Variants in LYRM4 observed in about 807,000 individuals in gnomAD.
The protein encoded by LYRM4 is LYR motif containing 4.
LYRM4 carries 9 observed loss-of-function variants against 11.7 expected under a neutral mutation model. The observed-to-expected ratio is 0.77, with a 90% CI of 0.46 to 1.34. The LOEUF (loss-of-function observed/expected upper bound fraction) is 1.34. LYRM4 is among the 40% of genes most tolerant of loss of function. The pLI, the probability that LYRM4 is intolerant of heterozygous loss-of-function variation, is 0.00. For synonymous variants in LYRM4, 42 were observed against 40.4 expected (o/e 1.04, Z -0.15); for missense variants, 133 against 112.5 (o/e 1.18, Z -0.82).
chr6:5,243,285 G>A (rs1194319675), intron 1 of LYRM4, among the ~76,000 whole-genome samples: 2 of 152,186 alleles, frequency 1.3e-5, no homozygotes, highest in African/African-American at 2.4e-5. Context: ...GGCGCACAGC[G>A]TGCGGGGTTC....
intron 1 of LYRM4, among the ~76,000 whole-genome samples, chr6:5,248,495 A>G (rs1415385378): frequency 6.6e-6 from 1 of 152,226 alleles, no homozygotes. Flanking sequence ...GCTCTCTGTG[A>G]TTAGTAGTCC....
intron 1 of LYRM4, among the ~76,000 whole-genome samples, chr6:5,222,433 G>A (rs1267526560): frequency 1.3e-5 from 2 of 152,182 alleles, no homozygotes; most frequent in Non-Finnish European, 2.9e-5. Context: ...GCCAGGAGCT[G>A]GGAATACAGT....
At chr6:5,259,339 G>C (rs1177380422) in intron 1 of LYRM4, among the ~76,000 whole-genome samples, 1 of 146,818 alleles carries the variant, frequency 6.8e-6, no homozygotes, top group Admixed American at 6.7e-5. Context: ...GTTAATTCTT[G>C]CTAAAATTCC....
chr6:5,129,025 C>T (rs1034581220), intron 2 of LYRM4, among the ~76,000 whole-genome samples: 9 of 152,246 alleles, frequency 5.9e-5, no homozygotes, highest in Admixed American at 5.2e-4. Flanking sequence ...CTTCTCTCCA[C>T]GTGTGCACTG....
intron 2 of LYRM4, among the ~76,000 whole-genome samples, chr6:5,111,415 A>G (rs1344959773): frequency 6.6e-6 from 1 of 152,212 alleles, no homozygotes; most frequent in Non-Finnish European, 1.5e-5. Flanking sequence ...TCATCTTCTC[A>G]AGGCTTTAGT....
In LYRM4 at chr6:5,114,969, A is replaced by T. The variant is rs576121881; in HGVS notation, c.208-5478T>A. On this transcript the variant is annotated intron_variant, in intron 2 of 2. Transcript: ENST00000330636. ...GATTTAAAACGTGGTGTATATATAC[A>T]CAATATTTACATGTGGGATCATAGC... is the stretch of plus-strand genomic sequence containing the variant. Among the ~76,000 whole-genome samples the T allele has an allele frequency of 5.9e-5, 9 of 152,370 alleles. No homozygotes were observed. In the East Asian group the frequency reaches 1.7e-3, roughly 29 times the overall value.
chr6:5,164,488 C>A (rs1327603938), intron 2 of LYRM4, among the ~76,000 whole-genome samples: 1 of 152,090 alleles, frequency 6.6e-6, no homozygotes, highest in Non-Finnish European at 1.5e-5. Flanking sequence ...ATAAAGACAG[C>A]ACCACTGTAT....
At chr6:5,212,936 C>A (rs1762060226) in intron 2 of LYRM4, among the ~76,000 whole-genome samples, 1 of 152,168 alleles carries the variant, frequency 6.6e-6, no homozygotes, top group South Asian at 2.1e-4. Flanking sequence ...TGAGAGTAAT[C>A]CTTAAGGACT....
chr6:5,182,294 T>C (rs76845437), intron 2 of LYRM4, among the ~76,000 whole-genome samples: 1,771 of 152,356 alleles, frequency 0.012, 26 homozygotes, highest in African/African-American at 0.041. Context: ...ATAGGTGGAA[T>C]TGTAAATGTA....
intron 2 of LYRM4, among the ~76,000 whole-genome samples, chr6:5,164,204 G>A (rs1581414653): frequency 6.6e-6 from 1 of 152,248 alleles, no homozygotes; most frequent in South Asian, 2.1e-4. Flanking sequence ...GGACACATAT[G>A]CAAAATCTAT....
the LYRM4 span, among the ~76,000 whole-genome samples, chr6:5,083,861 C>G: frequency 6.6e-6 from 1 of 152,176 alleles, no homozygotes; most frequent in African/African-American, 2.4e-5. Flanking sequence ...CCCCAACTTT[C>G]TATATAAGTA....
intron 2 of LYRM4, 38 bp downstream of exon 2, chr6:5,216,578 AGC>A (rs1374728415): frequency 6.2e-7 from 1 of 1,612,090 alleles, no homozygotes; most frequent in Non-Finnish European, 8.5e-7. Context: ...CGAAGTTTAA[AGC>A]TCTTAATGAA....
At chr6:5,218,699 T>C (rs1451085731) in intron 1 of LYRM4, among the ~76,000 whole-genome samples, 1 of 152,188 alleles carries the variant, frequency 6.6e-6, no homozygotes, top group African/African-American at 2.4e-5. Flanking sequence ...ATGGAATCCA[T>C]GTACTAGCAG....
intron 2 of LYRM4, among the ~76,000 whole-genome samples, chr6:5,204,959 C>T (rs1037837755): frequency 2.0e-5 from 3 of 152,196 alleles, no homozygotes; most frequent in African/African-American, 4.8e-5. Context: ...CTGGAACCAT[C>T]CTTCTGAGTT....
chr6:5,242,205 T>C (rs1182929769), intron 1 of LYRM4, among the ~76,000 whole-genome samples: 1 of 151,674 alleles, frequency 6.6e-6, no homozygotes, highest in Non-Finnish European at 1.5e-5. Flanking sequence ...CCTGAGTAAC[T>C]AGGACTACAG....
chr6:5,228,092 T>C (rs1762999813), intron 1 of LYRM4, among the ~76,000 whole-genome samples: 1 of 152,122 alleles, frequency 6.6e-6, no homozygotes, highest in African/African-American at 2.4e-5. Flanking sequence ...ATGGCACTTG[T>C]ATACCCATGT....
chr6:5,111,941 A>G (rs969694480), intron 2 of LYRM4, among the ~76,000 whole-genome samples: 1 of 152,200 alleles, frequency 6.6e-6, no homozygotes, highest in African/African-American at 2.4e-5. Context: ...GGCCAGAGTC[A>G]AGAGAAAGAT....
chr6:5,179,485 T>C lies in LYRM4; in HGVS notation c.207+37133A>G, dbSNP rs537368977. ...CATTCTACTTTCTATCTCTATGAAT[T>C]TGACTTTAGTAGCTCATATAATTGG... On this transcript the variant is annotated intron_variant, in intron 2 of 2. Coordinates refer to ENST00000330636, the MANE Select transcript of LYRM4 (RefSeq NM_020408.6). Among the ~76,000 whole-genome samples, 3 of 152,338 alleles carry C rather than the reference T, an allele frequency of 2.0e-5. 1 individual carries two copies. In the South Asian group the frequency reaches 6.2e-4, roughly 32 times the overall value.
chr6:5,133,685 C>T (rs455803), intron 2 of LYRM4, among the ~76,000 whole-genome samples: 92,068 of 151,600 alleles, frequency 0.61, 28,400 homozygotes, highest in East Asian at 0.81. Context: ...ACCTTCATAA[C>T]TGTACAATCA....
Sources: gnomAD v4.1 joint callset for allele counts (sites outside exome capture counted in the v4.1 genomes callset) on GRCh38, gnomAD v4.1.1 for gene constraint, MANE v1.5 for transcripts, NCBI Gene and HGNC (gene_info 2026-07-23, HGNC 2026-07-21) for gene names.